The following SCGB2A1 variants were observed in gnomAD, a reference collection of about 807,000 sequenced individuals.
SCGB2A1 encodes mammaglobin-B.
A neutral mutation model predicts 9.2 loss-of-function variants in SCGB2A1; 6 were observed. The observed-to-expected ratio is 0.66, with a 90% CI of 0.36 to 1.29. The LOEUF is 1.29. Among genes scored for constraint, SCGB2A1 ranks in the 50% most tolerant of loss-of-function variants. The pLI is 0.03. For missense variants in SCGB2A1, 138 were observed against 116.9 expected (o/e 1.18, Z -0.83); for synonymous variants, 37 against 41.0 (o/e 0.90, Z 0.37).
chr11:62,213,753 A>G lies in SCGB2A1; in HGVS notation c.271A>G (p.Asn91Asp), dbSNP rs778045017. ...MHTVYDSIWC[N>D]MKSN ...TACAGTGTACGACAGCATTTGGTGT[A>G]ATATGAAGAGTAATTAACTTTACCC... Residue 91 changes from asparagine to aspartate, a missense_variant, in exon 3 of 3, where the codon AAT (asparagine) becomes GAT (aspartate). Asn to Asp is a conservative substitution (Grantham distance 23). Transcript: ENST00000244930. 1 of 1,614,024 alleles carries G rather than the reference A, an allele frequency of 6.2e-7. No individual in the cohort carries two copies. Among genetic ancestry groups the G allele is most frequent in the Non-Finnish European group, 8.5e-7 (1 of 1,179,962 alleles).
intron 2 of SCGB2A1, among the ~76,000 whole-genome samples, chr11:62,211,342 A>AT (rs5792249): frequency 1.0e-3 from 158 of 151,766 alleles, no homozygotes; most frequent in Admixed American, 2.0e-3. Context: ...AAACATTCTT[A>AT]TTTTTTTTTA....
In SCGB2A1 at chr11:62,213,071, CATATAT is replaced by C. The variant is rs1367519630; in HGVS notation, c.244-653_244-648del. Reference sequence around the variant, plus strand: ...ATATACACATATATACACATATATACATATATACACATATATACACATATATATATA... The same window carrying C: ...ATATACACATATATACACATATATACACACATATATACACATATATATATA... On this transcript the variant is annotated intron_variant, in intron 2 of 2. Coordinates refer to ENST00000244930, the MANE Select transcript of SCGB2A1 (RefSeq NM_002407.3). 3.2e-3 allele frequency among the ~76,000 whole-genome samples: 41 copies of C among 12,814 alleles called. 2 individuals are homozygous for C. The highest frequency in any genetic ancestry group is 9.2e-3 in the Admixed American group (7 of 764). 8.4% of individuals were successfully genotyped at this position (12,814 alleles called of 152,430 possible). A position where few individuals can be genotyped will look rare whatever the true frequency, so the allele number is the denominator to read the frequency against.
intron 2 of SCGB2A1, 78 bp from the exon 3 acceptor site, chr11:62,213,648 A>G (rs1278235821): frequency 4.2e-6 from 6 of 1,428,490 alleles, no homozygotes; most frequent in Non-Finnish European, 5.8e-6. Flanking sequence ...CAAATGCAAG[A>G]AAACAAGAAG....
Position 62,210,349 on chromosome 11 carries a change from T to A in SCGB2A1, c.56-64T>A, listed in dbSNP as rs939574907. ...CCAGCTTCCCAATTCATCTGTAGAA[T>A]GAATCACACCTCTAGTAATGGCCCA... On this transcript the variant is annotated intron_variant, in intron 1 of 2. Transcript: ENST00000244930. 48 of 1,518,518 alleles carry A rather than the reference T, an allele frequency of 3.2e-5. No homozygotes were observed. In the East Asian group the frequency reaches 1.1e-3, roughly 35 times the overall value. 94.1% of individuals were successfully genotyped at this position (1,518,518 alleles called of 1,614,324 possible). A position where few individuals can be genotyped will look rare whatever the true frequency, so the allele number is the denominator to read the frequency against.
rs376725804 is a variant in SCGB2A1 at position 62,208,728 on chromosome 11, C to T, written c.-4C>T. The T allele has an allele frequency of 6.8e-6, 11 of 1,613,654 alleles. No individual in the cohort carries two copies. The highest frequency in any genetic ancestry group is 4.4e-5 in the South Asian group (4 of 91,072). On this transcript the variant is annotated 5_prime_UTR_variant, in exon 1 of 3. Transcript: ENST00000244930. ...GACTGAACACAGACAGCAGCCGCCTCGCCATGAAGCTGCTGATGGTCCTCA... is the reference window on the plus strand; with the variant it reads ...GACTGAACACAGACAGCAGCCGCCTTGCCATGAAGCTGCTGATGGTCCTCA...
intron 1 of SCGB2A1, among the ~76,000 whole-genome samples, chr11:62,209,996 T>G (rs1177020400): frequency 1.3e-5 from 2 of 152,088 alleles, no homozygotes; most frequent in Non-Finnish European, 2.9e-5. Flanking sequence ...TTTATTGCAG[T>G]AGAGTCAACA....
At chr11:62,210,680 C>A in intron 2 of SCGB2A1, 80 bp downstream of exon 2, 1 of 1,098,672 alleles carries the variant, frequency 9.1e-7, no homozygotes, top group Non-Finnish European at 1.3e-6. Flanking sequence ...ACCAAGAATG[C>A]CAAGCAACTG....
intron 2 of SCGB2A1, among the ~76,000 whole-genome samples, chr11:62,213,041 T>TATACGC (rs1565121476): frequency 4.2e-4 from 50 of 118,192 alleles, no homozygotes; most frequent in African/African-American, 1.3e-3. Context: ...CACACATATA[T>TATACGC]ACATATATAC....
chr11:62,213,053 CATATATACACATATAT>C (rs1944848588), intron 2 of SCGB2A1, among the ~76,000 whole-genome samples: 1 of 80,734 alleles, frequency 1.2e-5, no homozygotes, highest in African/African-American at 4.2e-5. Context: ...CATATATACA[CATATATACACATATAT>C]ACATATATAC....
In SCGB2A1 at chr11:62,210,418, G is replaced by A; in HGVS notation, c.61G>A (p.Gly21Ser). 7.3e-7 allele frequency: 1 copy of A among 1,370,326 alleles called. No individual in the cohort carries two copies. The allele number at this position is 1,370,326 out of a possible 1,614,324, so 84.9% of individuals were successfully genotyped here. The change falls in exon 2 of 3, where the codon GGC (glycine) becomes AGC (serine). Residue 21 changes from glycine (G) to serine (S), a missense_variant. Gly to Ser is a moderately conservative substitution (Grantham distance 56, BLOSUM62 0). Coordinates refer to ENST00000244930, the MANE Select transcript of SCGB2A1 (RefSeq NM_002407.3). ...TTTTTTTTTTTTTTTTCCAGATTCT[G>A]GCTGCAAACTCCTGGAGGACATGGT... The part of the protein sequence containing the change: ...ALLLHCYADS[G>S]CKLLEDMVEK...
Position 62,213,552 on chromosome 11 carries a change from G to C in SCGB2A1, c.244-174G>C, listed in dbSNP as rs144822770. 3.1e-5 allele frequency: 18 copies of C among 584,276 alleles called. No individual in the cohort carries two copies. In the East Asian group the frequency reaches 5.2e-4, roughly 17 times the overall value. 36.2% of individuals were successfully genotyped at this position (584,276 alleles called of 1,614,324 possible). On this transcript the variant is annotated intron_variant, in intron 2 of 2. Transcript: ENST00000244930. Reference sequence around the variant, plus strand: ...CCTGGCCCCTGTTTGGCATTATGAAGTGTCTCCTAGATAACAGAATAAATG... The same window carrying C: ...CCTGGCCCCTGTTTGGCATTATGAACTGTCTCCTAGATAACAGAATAAATG...
At chr11:62,209,651 G>A (rs1379478438) in intron 1 of SCGB2A1, among the ~76,000 whole-genome samples, 1 of 150,698 alleles carries the variant, frequency 6.6e-6, no homozygotes, top group Non-Finnish European at 1.5e-5. Flanking sequence ...GTGTGTGTGT[G>A]TGTGTGTGTG....
intron 2 of SCGB2A1, among the ~76,000 whole-genome samples, chr11:62,212,748 G>T (rs1944840078): frequency 6.6e-6 from 1 of 151,856 alleles, no homozygotes; most frequent in South Asian, 2.1e-4. Flanking sequence ...CTTTGTTTTT[G>T]TTTTTGAGAC....
chr11:62,212,770 C>G (rs1206804693), intron 2 of SCGB2A1, among the ~76,000 whole-genome samples: 1 of 151,950 alleles, frequency 6.6e-6, no homozygotes, highest in African/African-American at 2.4e-5. Context: ...GAGTCTTGCT[C>G]TTTTGCCCAG....
At chr11:62,213,102 A>ATTTT (rs1483401146) in intron 2 of SCGB2A1, among the ~76,000 whole-genome samples, 7 of 39,880 alleles carry the variant, frequency 1.8e-4, no homozygotes, top group African/African-American at 3.8e-4. Context: ...ATATATATAT[A>ATTTT]TATATTTTTT....
rs1554985926 is a variant in SCGB2A1, at chr11:62,213,106, A to ATTT, written c.244-611_244-609dup. 3.4e-3 allele frequency among the ~76,000 whole-genome samples: 398 copies of ATTT among 116,220 alleles called. 19 individuals carry two copies. Among genetic ancestry groups the ATTT allele is most frequent in the African/African-American group, 8.8e-3 (257 of 29,076 alleles). The allele number at this position is 116,220 out of a possible 152,430, so 76.2% of individuals were successfully genotyped here. On this transcript the variant is annotated intron_variant, in intron 2 of 2. Coordinates refer to ENST00000244930, the MANE Select transcript of SCGB2A1 (RefSeq NM_002407.3). ...CATATATACACATATATATATATAT[A>ATTT]TTTTTTTTTTTGTAGAGATGGCATT...
intron 2 of SCGB2A1, among the ~76,000 whole-genome samples, chr11:62,213,062 A>ATGTGTATATATATGTG (rs1944848933): frequency 1.7e-5 from 1 of 57,890 alleles, no homozygotes. Flanking sequence ...ACATATATAC[A>ATGTGTATATATATGTG]CATATATACA....
Position 62,213,737 on chromosome 11 carries a change from C to T in SCGB2A1, c.255C>T (p.Tyr85=), listed in dbSNP as rs142728853. The T allele has an allele frequency of 6.1e-5, 98 of 1,613,718 alleles. No homozygotes were observed. Among genetic ancestry groups the T allele is most frequent in the Admixed American group, 8.3e-5 (5 of 59,928 alleles). ...CTTTTGTTTTCCAGCATACAGTGTA[C>T]GACAGCATTTGGTGTAATATGAAGA... ...KNFGLMMHTV[Y]DSIWCNMKSN is the part of the protein sequence containing the mutation. Residue 85 remains tyrosine (Y), a synonymous_variant, in exon 3 of 3, where the codon TAC becomes TAT. Coordinates refer to ENST00000244930, the MANE Select transcript of SCGB2A1 (RefSeq NM_002407.3).
chr11:62,211,443 A>G (rs1944830462), intron 2 of SCGB2A1, among the ~76,000 whole-genome samples: 1 of 152,118 alleles, frequency 6.6e-6, no homozygotes, highest in African/African-American at 2.4e-5. Flanking sequence ...TCTGTTGCCC[A>G]GGCTGGAGTG....
Sources: allele counts gnomAD v4.1 joint callset (sites outside exome capture counted in the v4.1 genomes callset), GRCh38; gene constraint gnomAD v4.1.1; transcripts MANE v1.5; gene names NCBI Gene and HGNC (gene_info 2026-07-23, HGNC 2026-07-21).